The following RHOU variants were observed in gnomAD, a reference collection of about 807,000 sequenced individuals.
The protein encoded by RHOU is rho-related GTP-binding protein RhoU.
A neutral mutation model predicts 12.6 loss-of-function variants in RHOU; 8 were observed. The ratio of observed to expected loss-of-function variants is 0.64; its 90% CI spans 0.37 to 1.15. The LOEUF is 1.15. Among genes scored for constraint, RHOU ranks in the 50% most tolerant of loss-of-function variants. The probability of loss-of-function intolerance (pLI) is 0.01; values close to 1 mark genes in which losing one functional copy is unlikely to be tolerated. For synonymous variants in RHOU, 161 were observed against 147.4 expected (o/e 1.09, Z -0.67); for missense variants, 258 against 347.0 (o/e 0.74, Z 2.04).
the RHOU span, among the ~76,000 whole-genome samples, chr1:228,664,778 C>G: frequency 6.6e-6 from 1 of 152,094 alleles, no homozygotes; most frequent in Non-Finnish European, 1.5e-5. Flanking sequence ...GGTTTACAGG[C>G]GCCTGCCACC....
the RHOU span, among the ~76,000 whole-genome samples, chr1:228,684,234 A>G: frequency 2.3e-4 from 35 of 152,116 alleles, no homozygotes; most frequent in East Asian, 5.1e-3. Context: ...ATAGGGTTTC[A>G]CCCTGATGGC....
the RHOU span, chr1:228,650,906 A>C: frequency 2.7e-6 from 1 of 375,370 alleles, no homozygotes; most frequent in South Asian, 2.3e-5. Flanking sequence ...ATACGAATGG[A>C]TCCTTGTGGA....
the RHOU span, among the ~76,000 whole-genome samples, chr1:228,699,523 G>A: frequency 2.8e-5 from 4 of 143,920 alleles, no homozygotes. Flanking sequence ...AGATACATGA[G>A]TTTCTGTTAT....
At chr1:228,687,351 G>A in the RHOU span, 4 of 779,980 alleles carry the variant, frequency 5.1e-6, no homozygotes, top group Admixed American at 1.8e-5. Context: ...ACAAATCAAC[G>A]AACTTAAGTG....
At chr1:228,672,916 TAGC>T in the RHOU span, among the ~76,000 whole-genome samples, 1 of 152,142 alleles carries the variant, frequency 6.6e-6, no homozygotes, top group African/African-American at 2.4e-5. Context: ...TCCCTGCAGG[TAGC>T]AGCAGCCCGA....
At chr1:228,736,029 CG>C (rs762143149) in intron 1 of RHOU, 25 bp downstream of exon 1, 26 of 1,565,518 alleles carry the variant, frequency 1.7e-5, no homozygotes, top group Non-Finnish European at 1.9e-5. Flanking sequence ...GGGCCGGGGC[CG>C]GGGGCGCGTG....
the RHOU span, among the ~76,000 whole-genome samples, chr1:228,664,580 C>T: frequency 3.3e-5 from 5 of 152,078 alleles, no homozygotes; most frequent in Admixed American, 3.3e-4. Flanking sequence ...CGGCAGAGGG[C>T]AGCATTACCC....
At chr1:228,685,703 T>A in the RHOU span, among the ~76,000 whole-genome samples, 1 of 152,224 alleles carries the variant, frequency 6.6e-6, no homozygotes, top group Admixed American at 6.5e-5. Context: ...GTTAAAATTA[T>A]ATATAGGTTA....
chr1:228,683,766 C>T, the RHOU span, among the ~76,000 whole-genome samples: 62 of 152,318 alleles, frequency 4.1e-4, no homozygotes, highest in African/African-American at 1.3e-3. Context: ...CAGAGTTGCA[C>T]GGTTTCAGGA....
the RHOU span, chr1:228,652,292 G>T: frequency 1.3e-5 from 2 of 152,316 alleles, no homozygotes; most frequent in East Asian, 3.9e-4. Flanking sequence ...TGTGACAGTT[G>T]TTTTGTCTTC....
the RHOU span, among the ~76,000 whole-genome samples, chr1:228,706,010 A>C: frequency 6.6e-6 from 1 of 152,162 alleles, no homozygotes; most frequent in African/African-American, 2.4e-5. Flanking sequence ...GCACCATTGA[A>C]CTTCAGCTTG....
chr1:228,705,802 G>A, the RHOU span, among the ~76,000 whole-genome samples: 19 of 152,156 alleles, frequency 1.2e-4, no homozygotes, highest in South Asian at 4.1e-4. Flanking sequence ...CCAGCACTTC[G>A]GGAGGCCGAG....
At chr1:228,669,468 C>T in the RHOU span, among the ~76,000 whole-genome samples, 1 of 152,308 alleles carries the variant, frequency 6.6e-6, no homozygotes, top group African/African-American at 2.4e-5. Context: ...GCTCTCACCT[C>T]CTAATTTTTT....
the RHOU span, among the ~76,000 whole-genome samples, chr1:228,728,196 C>G: frequency 1.3e-5 from 2 of 152,176 alleles, no homozygotes; most frequent in Admixed American, 1.3e-4. Flanking sequence ...AGGAAAGGTG[C>G]CACCAGTGTA....
chr1:228,712,008 C>G, the RHOU span, among the ~76,000 whole-genome samples: 7 of 142,050 alleles, frequency 4.9e-5, no homozygotes, highest in African/African-American at 1.8e-4. Flanking sequence ...AGGACATGAA[C>G]AGACACTTCT....
the RHOU span, among the ~76,000 whole-genome samples, chr1:228,663,981 CCTCCCCTCCCCTCCCCTCCCCTCCT>C: frequency 4.8e-5 from 4 of 82,948 alleles, no homozygotes; most frequent in Non-Finnish European, 9.4e-5. Flanking sequence ...CCTCCCCTTC[CCTCCCCTCCCCTCCCCTCCCCTCCT>C]CTCCCCTCTC....
chr1:228,657,041 C>T, the RHOU span, among the ~76,000 whole-genome samples: 2 of 151,624 alleles, frequency 1.3e-5, no homozygotes, highest in Non-Finnish European at 2.9e-5. Flanking sequence ...TTTGGGAAGC[C>T]GAGGCAGGTG....
chr1:228,719,822 C>T, the RHOU span, among the ~76,000 whole-genome samples: 3 of 152,142 alleles, frequency 2.0e-5, no homozygotes, highest in Admixed American at 2.0e-4. Flanking sequence ...TTTTGATTTA[C>T]CTTTAAATAA....
chr1:228,661,397 G>C, the RHOU span, among the ~76,000 whole-genome samples: 1 of 152,116 alleles, frequency 6.6e-6, no homozygotes, highest in Non-Finnish European at 1.5e-5. Context: ...AAAGAACAAA[G>C]CTGGAGGCAT....
Sources: gnomAD v4.1 joint callset for allele counts (sites outside exome capture counted in the v4.1 genomes callset) on GRCh38, gnomAD v4.1.1 for gene constraint, MANE v1.5 for transcripts, NCBI Gene and HGNC (gene_info 2026-07-23, HGNC 2026-07-21) for gene names.